Variants in GDE1 observed in about 807,000 individuals in gnomAD.
GDE1 encodes the protein glycerophosphodiester phosphodiesterase 1, also known as RGS16-interacting membrane protein.
GDE1 carries 24 observed loss-of-function variants against 32.2 expected under a neutral mutation model. The ratio of observed to expected loss-of-function variants is 0.75; its 90% CI spans 0.54 to 1.05. GDE1 has a LOEUF of 1.05. Among genes scored for constraint, GDE1 ranks in the 50% least tolerant of loss-of-function variants. The pLI is 0.00. For missense variants in GDE1, 380 were observed against 415.0 expected, an observed-to-expected ratio of 0.92 and a Z score of 0.73; for synonymous variants, 159 against 158.6, an observed-to-expected ratio of 1.00 and a Z score of -0.02.
chr16:19,512,927 TTGTGTGTGTGTGTG>T (rs144957791), intron 2 of GDE1, among the ~76,000 whole-genome samples: 6 of 137,006 alleles, frequency 4.4e-5, no homozygotes, highest in East Asian at 2.1e-4. Flanking sequence ...TGTATCTGTT[TTGTGTGTGTGTGTG>T]TGTGTGTGTG....
intron 2 of GDE1, among the ~76,000 whole-genome samples, chr16:19,516,070 A>G (rs1372301454): frequency 6.6e-6 from 1 of 152,236 alleles, no homozygotes; most frequent in Non-Finnish European, 1.5e-5. Context: ...TATCCACAAC[A>G]GAAGTATTCA....
intron 3 of GDE1, among the ~76,000 whole-genome samples, chr16:19,509,183 T>C (rs946305950): frequency 1.3e-5 from 2 of 152,074 alleles, no homozygotes; most frequent in African/African-American, 4.8e-5. Context: ...ATGCCTCTAA[T>C]CTCAGCTGCT....
Position 19,505,071 on chromosome 16 carries a change from C to T in GDE1, c.658G>A (p.Val220Ile). 1.2e-6 allele frequency: 2 copies of T among 1,610,748 alleles called. No individual in the cohort carries two copies. Among genetic ancestry groups the T allele is most frequent in the Non-Finnish European group, 1.7e-6 (2 of 1,176,908 alleles). The change falls in exon 5 of 6, where the codon GTA (valine) becomes ATA (isoleucine). Residue 220 changes from valine to isoleucine, a missense_variant. Coordinates refer to ENST00000353258, the MANE Select transcript of GDE1 (RefSeq NM_016641.4). The part of the protein sequence containing the change: ...IYKMRQTDRD[V>I]ITALTHRPWS... The stretch of plus-strand genomic sequence containing the variant: ...GGTCTGTGAGTTAATGCTGTTATTA[C>T]ATCCCGATCTGTTTGTCTCATCTGC...
intron 2 of GDE1, 39 bp from the exon 3 acceptor site, chr16:19,510,983 A>C (rs1209801747): frequency 1.0e-6 from 1 of 979,950 alleles, no homozygotes; most frequent in Non-Finnish European, 1.6e-6. Context: ...GAAAAAAGAG[A>C]AACAGATAAA....
At chr16:19,511,073 T>C (rs1432782790) in intron 2 of GDE1, 129 bp from the exon 3 acceptor site, 4 of 523,242 alleles carry the variant, frequency 7.6e-6, no homozygotes, top group African/African-American at 2.0e-5. Context: ...TTTTCGACCA[T>C]AGCAAAGTCC....
rs1217129606 is a variant in GDE1, at chr16:19,501,965, A to G, written c.*1505T>C. 1 of 152,220 alleles carries G rather than the reference A, an allele frequency of 6.6e-6. No homozygotes were observed. Among genetic ancestry groups the G allele is most frequent in the East Asian group, 1.9e-4 (1 of 5,184 alleles). The allele number at this position is 152,220 out of a possible 1,614,324, so 9.4% of individuals were successfully genotyped here. ...CTGTGGGCCTGGACAAAGGCCACAG[A>G]TGGGGTTGAAAGGTGAGAAGCGGTA... On this transcript the variant is annotated 3_prime_UTR_variant, in exon 6 of 6. Transcript: ENST00000353258.
intron 2 of GDE1, among the ~76,000 whole-genome samples, chr16:19,515,066 C>CAA (rs67148636): frequency 0.16 from 17,781 of 112,884 alleles, 1,905 homozygotes; most frequent in East Asian, 0.39. Flanking sequence ...AACTCCAACT[C>CAA]AAAAAAAAAA....
chr16:19,511,214 C>G (rs1230658040), intron 2 of GDE1, among the ~76,000 whole-genome samples: 3 of 151,824 alleles, frequency 2.0e-5, no homozygotes, highest in African/African-American at 7.3e-5. Context: ...GCAATTCTCC[C>G]GCCCCAGCCT....
Position 19,503,395 on chromosome 16 carries a change from G to C in GDE1, c.*75C>G. The C allele has an allele frequency of 2.3e-6, 3 of 1,324,010 alleles. No individual in the cohort carries two copies. The allele number at this position is 1,324,010 out of a possible 1,614,324, so 82.0% of individuals were successfully genotyped here. A position where few individuals can be genotyped will look rare whatever the true frequency, so the allele number is the denominator to read the frequency against. On this transcript the variant is annotated 3_prime_UTR_variant, in exon 6 of 6. Transcript: ENST00000353258. ...ACCTGATTCCCCAGGGCCTGGGCTA[G>C]CACAAAGGGTATTTTGATATCCCTG...
Position 19,507,717 on chromosome 16 carries a change from G to A in GDE1, c.606C>T (p.Val202=). ...EFPQLYNNSV[V]CSFLPEVIYK... is the part of the protein sequence containing the mutation. ...AGATAACTTCTGGCAAGAAAGAACAGACCACACTATTATTATACAGTTGAG... is the reference window on the plus strand; with the variant it reads ...AGATAACTTCTGGCAAGAAAGAACAAACCACACTATTATTATACAGTTGAG... Residue 202 remains valine (V), a synonymous_variant, in exon 4 of 6, where the codon GTC becomes GTT. Coordinates refer to ENST00000353258, the MANE Select transcript of GDE1 (RefSeq NM_016641.4). 1.3e-6 allele frequency: 2 copies of A among 1,582,332 alleles called. No individual in the cohort carries two copies. The highest frequency in any genetic ancestry group is 1.7e-6 in the Non-Finnish European group (2 of 1,151,070).
rs186311917 is a variant in GDE1, at chr16:19,505,919, T to G, written c.637-827A>C. Among the ~76,000 whole-genome samples, 73 of 152,332 alleles carry G rather than the reference T, an allele frequency of 4.8e-4. No individual in the cohort carries two copies. The East Asian group carries it at 0.013, about 27-fold the overall frequency. ...TTCTGCCTATTTGGTAACTAAATAG[T>G]AGAGGAGGAAAAGTTTCTTTTTAAA... On this transcript the variant is annotated intron_variant, in intron 4 of 5. Coordinates refer to ENST00000353258, the MANE Select transcript of GDE1 (RefSeq NM_016641.4).
chr16:19,513,656 T>A (rs1969346182), intron 2 of GDE1, among the ~76,000 whole-genome samples: 1 of 152,182 alleles, frequency 6.6e-6, no homozygotes, highest in Non-Finnish European at 1.5e-5. Context: ...TTAGCAAAAT[T>A]GATATGAAGG....
At chr16:19,509,258 C>T (rs1284209801) in intron 3 of GDE1, among the ~76,000 whole-genome samples, 2 of 152,172 alleles carry the variant, frequency 1.3e-5, no homozygotes, top group Admixed American at 6.5e-5. Flanking sequence ...GCCGAGATCG[C>T]GCCAATGCAC....
chr16:19,509,698 C>T (rs1418894843), intron 3 of GDE1, among the ~76,000 whole-genome samples: 3 of 147,464 alleles, frequency 2.0e-5, no homozygotes, highest in Non-Finnish European at 1.5e-5. Context: ...CTCGCTCTGT[C>T]ACCCAGGCTG....
intron 2 of GDE1, among the ~76,000 whole-genome samples, chr16:19,515,257 G>A (rs1969366819): frequency 6.6e-6 from 1 of 152,056 alleles, no homozygotes; most frequent in Non-Finnish European, 1.5e-5. Flanking sequence ...TAATTCTAGA[G>A]AAAATATCTA....
In GDE1 at chr16:19,504,804, T is replaced by C. The variant is rs1041083874; in HGVS notation, c.848+77A>G. ...CAGGTCAGAACCAATTCAGGTTGTCTACTCTGTTAATCCTTCCTTTCAAAT... is the reference window on the plus strand; with the variant it reads ...CAGGTCAGAACCAATTCAGGTTGTCCACTCTGTTAATCCTTCCTTTCAAAT... On this transcript the variant is annotated intron_variant, in intron 5 of 5. Coordinates refer to ENST00000353258, the MANE Select transcript of GDE1 (RefSeq NM_016641.4). 4.4e-6 allele frequency: 4 copies of C among 918,862 alleles called. No homozygotes were observed. In the African/African-American group the frequency reaches 6.7e-5, roughly 15 times the overall value. 56.9% of individuals were successfully genotyped at this position (918,862 alleles called of 1,614,324 possible).
At chr16:19,518,480 G>T (rs1969409166) in intron 1 of GDE1, among the ~76,000 whole-genome samples, 2 of 152,102 alleles carry the variant, frequency 1.3e-5, no homozygotes, top group African/African-American at 4.8e-5. Flanking sequence ...GAAAGAGTAG[G>T]AAACTTGCCC....
intron 2 of GDE1, among the ~76,000 whole-genome samples, chr16:19,514,526 TC>T (rs1445741980): frequency 3.9e-5 from 6 of 152,232 alleles, no homozygotes; most frequent in African/African-American, 1.2e-4. Context: ...GATTGTAATT[TC>T]CCTAATAGAA....
chr16:19,507,053 C>A (rs1212239311), intron 4 of GDE1, among the ~76,000 whole-genome samples: 1 of 151,874 alleles, frequency 6.6e-6, no homozygotes, highest in African/African-American at 2.4e-5. Context: ...GCAGGAGGAT[C>A]ATTTGAGCCT....
Sources: allele counts gnomAD v4.1 joint callset (sites outside exome capture counted in the v4.1 genomes callset), GRCh38; gene constraint gnomAD v4.1.1; transcripts MANE v1.5; gene names NCBI Gene and HGNC (gene_info 2026-07-23, HGNC 2026-07-21).